The following NAALADL2 variants were observed in gnomAD, a reference collection of about 807,000 sequenced individuals.
The protein encoded by NAALADL2 is inactive N-acetylated-alpha-linked acidic dipeptidase-like protein 2.
NAALADL2 carries 76 observed loss-of-function variants against 87.2 expected under a neutral mutation model. The observed-to-expected ratio is 0.87, with a 90% CI of 0.72 to 1.05. The LOEUF (loss-of-function observed/expected upper bound fraction) is 1.05, where lower values mean the gene tolerates loss of function less well. NAALADL2 is among the 50% of genes least tolerant of loss of function. NAALADL2 has a pLI of 0.00. For synonymous variants in NAALADL2, 354 were observed against 331.0 expected (o/e 1.07, Z -0.75); for missense variants, 1,089 against 945.8 (o/e 1.15, Z -1.99).
At chr3:175,505,383 T>C (rs1301898054) in intron 9 of NAALADL2, among the ~76,000 whole-genome samples, 1 of 152,022 alleles carries the variant, frequency 6.6e-6, no homozygotes, top group Non-Finnish European at 1.5e-5. Flanking sequence ...TGACAGACCC[T>C]GAGTAAAATT....
intron 3 of NAALADL2, among the ~76,000 whole-genome samples, chr3:175,243,757 G>A (rs1419766648): frequency 6.6e-6 from 1 of 151,740 alleles, no homozygotes; most frequent in Non-Finnish European, 1.5e-5. Flanking sequence ...GGCCACAGAA[G>A]CTACTCAAAA....
chr3:174,530,942 T>C (rs1267328157), intron 1 of NAALADL2, among the ~76,000 whole-genome samples: 2 of 152,252 alleles, frequency 1.3e-5, no homozygotes, highest in Non-Finnish European at 2.9e-5. Context: ...GATCAGTTTA[T>C]TTTGTGAAAC....
At chr3:175,721,981 T>C in intron 11 of NAALADL2, among the ~76,000 whole-genome samples, 1 of 152,040 alleles carries the variant, frequency 6.6e-6, no homozygotes, top group South Asian at 2.1e-4. Context: ...TTTACCAAAT[T>C]TTCCATTCGT....
chr3:175,200,295 G>A (rs1739834209), intron 2 of NAALADL2, among the ~76,000 whole-genome samples: 1 of 152,032 alleles, frequency 6.6e-6, no homozygotes. Context: ...TTAGAACCAT[G>A]ATGATGGACA....
intron 2 of NAALADL2, among the ~76,000 whole-genome samples, chr3:175,225,869 A>G (rs746208991): frequency 2.0e-5 from 3 of 152,112 alleles, no homozygotes; most frequent in Non-Finnish European, 4.4e-5. Context: ...TTAACCAGAG[A>G]TGAAATTATC....
At chr3:174,515,202 T>A (rs1048756558) in intron 1 of NAALADL2, among the ~76,000 whole-genome samples, 7 of 152,128 alleles carry the variant, frequency 4.6e-5, no homozygotes, top group Non-Finnish European at 1.0e-4. Flanking sequence ...ATGAATATAG[T>A]ATAAACACAG....
chr3:175,495,092 A>ATATTTT (rs754412056), intron 9 of NAALADL2, among the ~76,000 whole-genome samples: 8,040 of 136,160 alleles, frequency 0.059, 241 homozygotes, highest in South Asian at 0.096. Context: ...ATATATATAT[A>ATATTTT]TTTTTTTTTA....
At chr3:175,190,393 G>T (rs1005993329) in intron 2 of NAALADL2, among the ~76,000 whole-genome samples, 3 of 152,022 alleles carry the variant, frequency 2.0e-5, no homozygotes, top group Non-Finnish European at 4.4e-5. Flanking sequence ...AATGGGCAAA[G>T]AACATGAAAG....
At chr3:175,102,333 A>G (rs1005032665) in intron 2 of NAALADL2, among the ~76,000 whole-genome samples, 156 of 152,172 alleles carry the variant, frequency 1.0e-3, no homozygotes, top group African/African-American at 3.6e-3. Context: ...GTCTTGCAGA[A>G]CCTCCAGCCT....
At chr3:175,407,694 C>T (rs982357613) in intron 5 of NAALADL2, among the ~76,000 whole-genome samples, 2 of 152,162 alleles carry the variant, frequency 1.3e-5, no homozygotes, top group African/African-American at 4.8e-5. Flanking sequence ...CACAGACATG[C>T]AATTGAGGAA....
intron 2 of NAALADL2, among the ~76,000 whole-genome samples, chr3:174,690,006 CA>C (rs1728413277): frequency 6.6e-6 from 1 of 151,442 alleles, no homozygotes; most frequent in African/African-American, 2.4e-5. Context: ...CCTTTATCTT[CA>C]AAGAATTTAT....
intron 4 of NAALADL2, among the ~76,000 whole-genome samples, chr3:175,314,120 C>T (rs547282367): frequency 6.6e-6 from 1 of 150,404 alleles, no homozygotes; most frequent in Non-Finnish European, 1.5e-5. Context: ...TTCTCTCTTA[C>T]CTTCTCTGGC....
intron 1 of NAALADL2, among the ~76,000 whole-genome samples, chr3:174,956,782 CAAG>C (rs1741211077): frequency 6.6e-6 from 1 of 151,858 alleles, no homozygotes; most frequent in South Asian, 2.1e-4. Context: ...GAGATTGTAA[CAAG>C]AATGTGGGAT....
chr3:175,097,414 CA>C lies in NAALADL2; in HGVS notation c.545+124del, dbSNP rs1721350797. 1.0e-5 allele frequency: 9 copies of C among 862,348 alleles called. No homozygotes were observed. The Admixed American group carries it at 1.8e-4, about 17-fold the overall frequency. The allele number at this position is 862,348 out of a possible 1,614,324, so 53.4% of individuals were successfully genotyped here. On this transcript the variant is annotated intron_variant, in intron 2 of 13. Coordinates refer to ENST00000454872, the MANE Select transcript of NAALADL2 (RefSeq NM_207015.3). Reference sequence around the variant, plus strand: ...TGTTGCAAGCTGAGAAACATATCACCACAACAAGAATAGAAACTTCAAAGAG... The same window carrying C: ...TGTTGCAAGCTGAGAAACATATCACCCAACAAGAATAGAAACTTCAAAGAG...
At chr3:174,813,125 C>A (rs1379313895) in intron 3 of NAALADL2, among the ~76,000 whole-genome samples, 1 of 152,160 alleles carries the variant, frequency 6.6e-6, no homozygotes, top group Non-Finnish European at 1.5e-5. Context: ...TCCCGCAAGA[C>A]CCATTCATGT....
intron 2 of NAALADL2, among the ~76,000 whole-genome samples, chr3:174,611,172 G>C (rs954844973): frequency 6.5e-5 from 9 of 139,464 alleles, no homozygotes; most frequent in African/African-American, 1.3e-4. Flanking sequence ...TTGTGAGGTG[G>C]GGGGAGGGGG....
intron 3 of NAALADL2, among the ~76,000 whole-genome samples, chr3:174,838,599 A>C (rs2076583663): frequency 6.6e-6 from 1 of 152,170 alleles, no homozygotes; most frequent in East Asian, 1.9e-4. Context: ...AAAACTCTAA[A>C]GACTACTCCG....
intron 1 of NAALADL2, among the ~76,000 whole-genome samples, chr3:174,485,470 C>G (rs1717797096): frequency 6.6e-6 from 1 of 151,364 alleles, no homozygotes; most frequent in African/African-American, 2.4e-5. Context: ...TCTGATAGGC[C>G]CCAGTGTGTG....
intron 2 of NAALADL2, among the ~76,000 whole-genome samples, chr3:175,124,948 G>A (rs1366858393): frequency 6.6e-6 from 1 of 151,864 alleles, no homozygotes; most frequent in African/African-American, 2.4e-5. Flanking sequence ...TGTTTTTAGG[G>A]AAGATCAATC....
Sources: gnomAD v4.1 joint callset for allele counts (sites outside exome capture counted in the v4.1 genomes callset) on GRCh38, gnomAD v4.1.1 for gene constraint, MANE v1.5 for transcripts, NCBI Gene and HGNC (gene_info 2026-07-23, HGNC 2026-07-21) for gene names.